Variants in CIMAP2 observed in about 807,000 individuals in gnomAD.
The protein encoded by CIMAP2 is ciliary microtubule-associated protein 2.
chr1:54,824,860 T>C, the CIMAP2 span, among the ~76,000 whole-genome samples: 1 of 151,886 alleles, frequency 6.6e-6, no homozygotes, highest in East Asian at 1.9e-4. Context: ...TTTTGAATTA[T>C]GTTTCAGGCA....
the CIMAP2 span, among the ~76,000 whole-genome samples, chr1:54,825,823 G>T: frequency 6.6e-6 from 1 of 152,096 alleles, no homozygotes; most frequent in Non-Finnish European, 1.5e-5. Flanking sequence ...AGTGCATGTG[G>T]GTGCCAGCAG....
chr1:54,811,765 G>GCGGGGGGGGGGGGGGGGCCCCC, the CIMAP2 span: 1 of 1,301,332 alleles, frequency 7.7e-7, no homozygotes. Flanking sequence ...GGTTCTGACA[G>GCGGGGGGGGGGGGGGGGCCCCC]CCTCCATGCC....
the CIMAP2 span, among the ~76,000 whole-genome samples, chr1:54,825,255 G>C: frequency 1.3e-5 from 2 of 151,690 alleles, no homozygotes; most frequent in African/African-American, 4.8e-5. Context: ...GTTTCACCAT[G>C]TTAGCCAGGG....
the CIMAP2 span, chr1:54,814,031 G>T: frequency 6.5e-7 from 1 of 1,531,510 alleles, no homozygotes; most frequent in Non-Finnish European, 8.8e-7. Flanking sequence ...CTCCTTCCGG[G>T]GCTGGGCATG....
At chr1:54,807,501 C>T in the CIMAP2 span, 2 of 1,481,142 alleles carry the variant, frequency 1.4e-6, no homozygotes, top group Admixed American at 2.5e-5. Context: ...GTGGCTGTCA[C>T]AGCTCTGACC....
chr1:54,810,461 A>C, the CIMAP2 span, among the ~76,000 whole-genome samples: 1 of 152,200 alleles, frequency 6.6e-6, no homozygotes, highest in East Asian at 1.9e-4. Context: ...GGCTTTCTCC[A>C]GAATGTACGT....
chr1:54,818,591 T>A, the CIMAP2 span, among the ~76,000 whole-genome samples: 1 of 152,222 alleles, frequency 6.6e-6, no homozygotes, highest in Middle Eastern at 3.4e-3. Context: ...GTGTGCAGTA[T>A]GTTCTTTTTT....
At chr1:54,831,636 A>G in the CIMAP2 span, among the ~76,000 whole-genome samples, 1 of 152,060 alleles carries the variant, frequency 6.6e-6, no homozygotes, top group Non-Finnish European at 1.5e-5. Context: ...CTGGGTGACA[A>G]CAGCGAAACT....
At chr1:54,814,881 C>A in the CIMAP2 span, 1 of 1,613,504 alleles carries the variant, frequency 6.2e-7, no homozygotes, top group East Asian at 2.2e-5. Context: ...GCCAGAGCCT[C>A]TCCAGATTTC....
At chr1:54,841,912 C>T in the CIMAP2 span, 4 of 1,538,344 alleles carry the variant, frequency 2.6e-6, no homozygotes, top group East Asian at 9.8e-5. Flanking sequence ...ACCAGAGAGC[C>T]CAAAGGCCTG....
the CIMAP2 span, chr1:54,814,849 G>T: frequency 4.4e-6 from 7 of 1,606,566 alleles, no homozygotes; most frequent in South Asian, 7.8e-5. Context: ...GCCCTCACCT[G>T]CCCTGGGCCC....
At chr1:54,808,624 G>A in the CIMAP2 span, among the ~76,000 whole-genome samples, 1 of 135,474 alleles carries the variant, frequency 7.4e-6, no homozygotes, top group African/African-American at 2.7e-5. Flanking sequence ...GGGGAGGGCA[G>A]TGGAGGGCTT....
At chr1:54,806,117 A>G in the CIMAP2 span, 9 of 1,534,902 alleles carry the variant, frequency 5.9e-6, no homozygotes, top group East Asian at 1.7e-4. Context: ...CAGGCCTGCC[A>G]TGAGGGAAAG....
the CIMAP2 span, chr1:54,812,185 T>C: frequency 3.1e-6 from 5 of 1,614,160 alleles, no homozygotes; most frequent in African/African-American, 2.7e-5. Flanking sequence ...CACTACTCCA[T>C]GCAGGTGTGT....
the CIMAP2 span, among the ~76,000 whole-genome samples, chr1:54,820,279 A>G: frequency 6.6e-6 from 1 of 151,456 alleles, no homozygotes; most frequent in South Asian, 2.1e-4. Context: ...GCAATTCCCC[A>G]ACCTCACTCT....
the CIMAP2 span, among the ~76,000 whole-genome samples, chr1:54,829,502 C>A: frequency 6.6e-6 from 1 of 152,160 alleles, no homozygotes; most frequent in Admixed American, 6.5e-5. Context: ...CCAGGAGGCA[C>A]AGAAGATCGA....
the CIMAP2 span, among the ~76,000 whole-genome samples, chr1:54,808,529 G>C: frequency 1.3e-5 from 2 of 151,378 alleles, no homozygotes; most frequent in African/African-American, 4.8e-5. Flanking sequence ...GAGAGGAGGC[G>C]AGCGAGAGGG....
chr1:54,813,879 T>G, the CIMAP2 span: 1 of 1,613,800 alleles, frequency 6.2e-7, no homozygotes. Flanking sequence ...CACATCACAA[T>G]AAGAAGCATG....
At chr1:54,815,338 C>A in the CIMAP2 span, among the ~76,000 whole-genome samples, 1 of 152,232 alleles carries the variant, frequency 6.6e-6, no homozygotes, top group Non-Finnish European at 1.5e-5. Flanking sequence ...GCATTACCAA[C>A]AAGTTCAGGT....
Sources: allele counts gnomAD v4.1 joint callset (sites outside exome capture counted in the v4.1 genomes callset), GRCh38; gene constraint gnomAD v4.1.1; transcripts MANE v1.5; gene names NCBI Gene and HGNC (gene_info 2026-07-23, HGNC 2026-07-21).